ZNF804B: variants seen among roughly 807,000 people sequenced by gnomAD.
The protein encoded by ZNF804B is zinc finger protein 804B, also known as zinc finger 804B.
Under a neutral mutation model 101.4 loss-of-function variants are expected in ZNF804B, and 80 were observed. The observed-to-expected ratio is 0.79, with a 90% CI of 0.66 to 0.95. ZNF804B has a LOEUF of 0.95. ZNF804B is among the 40% of genes least tolerant of loss of function. The pLI, the probability that ZNF804B is intolerant of heterozygous loss-of-function variation, is 0.00. For synonymous variants in ZNF804B, 622 were observed against 558.8 expected (o/e 1.11, Z -1.59); for missense variants, 1,673 against 1,561.9 (o/e 1.07, Z -1.20).
At chr7:89,217,223 A>G (rs551377019) in intron 1 of ZNF804B, among the ~76,000 whole-genome samples, 33 of 152,356 alleles carry the variant, frequency 2.2e-4, no homozygotes, top group Non-Finnish European at 4.7e-4. Flanking sequence ...AAAATATGAT[A>G]CAGGCAAGGT....
chr7:89,195,892 A>AC (rs1788541294), intron 1 of ZNF804B, among the ~76,000 whole-genome samples: 1 of 64,164 alleles, frequency 1.6e-5, no homozygotes, highest in South Asian at 4.2e-4. Flanking sequence ...CCACTGCTCA[A>AC]AAAATCAGAG....
chr7:89,274,363 A>G lies in ZNF804B; in HGVS notation c.250-52981A>G, dbSNP rs1306449894. On this transcript the variant is annotated intron_variant, in intron 2 of 3. Coordinates refer to ENST00000333190, the MANE Select transcript of ZNF804B (RefSeq NM_181646.5). ...GTGTGATATTCCCCTTCCTGTGTCC[A>G]TGCGATCTCATTGTTCAATTCCCAC... Among the ~76,000 whole-genome samples the G allele has an allele frequency of 7.6e-3, 778 of 102,694 alleles. 11 individuals are homozygous for G. The highest frequency in any genetic ancestry group is 0.03 in the African/African-American group (740 of 24,448). The allele number at this position is 102,694 out of a possible 152,430, so 67.4% of individuals were successfully genotyped here.
rs563095278 is a variant in ZNF804B, at chr7:89,280,670, TC to T, written c.250-46672del. ...GAAAATCTAGAAGAAATGGATAAAT[TC>T]CTCGACACATACACTCTCCCAAGAC... On this transcript the variant is annotated intron_variant, in intron 2 of 3. Coordinates refer to ENST00000333190, the MANE Select transcript of ZNF804B (RefSeq NM_181646.5). 5.5e-3 allele frequency among the ~76,000 whole-genome samples: 834 copies of T among 152,246 alleles called. 8 individuals are homozygous for T. The highest frequency in any genetic ancestry group is 0.02 in the African/African-American group (811 of 41,542).
intron 1 of ZNF804B, among the ~76,000 whole-genome samples, chr7:88,906,375 T>C (rs1562828455): frequency 6.6e-6 from 1 of 152,178 alleles, no homozygotes; most frequent in Non-Finnish European, 1.5e-5. Context: ...AACTTCTTGA[T>C]GAAGGCAGTT....
chr7:89,326,532 T>G (rs1404935508), intron 2 of ZNF804B, among the ~76,000 whole-genome samples: 1 of 152,082 alleles, frequency 6.6e-6, no homozygotes, highest in African/African-American at 2.4e-5. Context: ...TCACTTTGTA[T>G]GAGTTAAGAG....
chr7:89,223,284 A>G (rs1789033435), intron 2 of ZNF804B, among the ~76,000 whole-genome samples: 1 of 151,892 alleles, frequency 6.6e-6, no homozygotes, highest in East Asian at 1.9e-4. Flanking sequence ...AATCCATTCT[A>G]TTACTCATCA....
At chr7:89,192,109 A>T (rs115724959) in intron 1 of ZNF804B, among the ~76,000 whole-genome samples, 2,383 of 152,204 alleles carry the variant, frequency 0.016, 67 homozygotes, top group African/African-American at 0.054. Context: ...ATTAACTGTT[A>T]ACAGTTTGTT....
At chr7:88,794,447 A>G (rs1234213668) in intron 1 of ZNF804B, 1 of 1,613,918 alleles carries the variant, frequency 6.2e-7, no homozygotes, top group Non-Finnish European at 8.5e-7. Context: ...TCCTTTAGGG[A>G]CTGTGACTGT....
intron 1 of ZNF804B, among the ~76,000 whole-genome samples, chr7:89,025,924 G>T (rs1788743956): frequency 6.6e-6 from 1 of 152,002 alleles, no homozygotes; most frequent in Non-Finnish European, 1.5e-5. Flanking sequence ...CACTGCCAAA[G>T]TTTCCTATAA....
chr7:89,147,222 C>T (rs1391175132), intron 1 of ZNF804B, among the ~76,000 whole-genome samples: 3 of 151,814 alleles, frequency 2.0e-5, no homozygotes, highest in Non-Finnish European at 2.9e-5. Context: ...TTAAAAACAT[C>T]TGTCATATTA....
chr7:89,064,453 T>C (rs1042471746), intron 1 of ZNF804B, among the ~76,000 whole-genome samples: 1 of 152,190 alleles, frequency 6.6e-6, no homozygotes, highest in Non-Finnish European at 1.5e-5. Context: ...TTGGCTTATA[T>C]AATAATTAGC....
intron 2 of ZNF804B, among the ~76,000 whole-genome samples, chr7:89,326,937 G>A (rs1159537589): frequency 6.8e-6 from 1 of 147,518 alleles, no homozygotes; most frequent in Non-Finnish European, 1.5e-5. Context: ...TCCACCCAGT[G>A]TATTTAATAG....
intron 2 of ZNF804B, among the ~76,000 whole-genome samples, chr7:89,218,942 G>A (rs927555667): frequency 6.6e-6 from 1 of 151,944 alleles, no homozygotes; most frequent in African/African-American, 2.4e-5. Context: ...GGGTGGCAGA[G>A]GTCAAAGAAA....
intron 1 of ZNF804B, among the ~76,000 whole-genome samples, chr7:88,812,299 A>T (rs918526860): frequency 6.6e-6 from 1 of 152,206 alleles, no homozygotes; most frequent in African/African-American, 2.4e-5. Context: ...TCCATTACCC[A>T]TGTGAAAAAT....
At chr7:89,330,003 A>G (rs1790955233) in intron 3 of ZNF804B, among the ~76,000 whole-genome samples, 1 of 151,720 alleles carries the variant, frequency 6.6e-6, no homozygotes, top group Non-Finnish European at 1.5e-5. Flanking sequence ...TAAGCTGCAG[A>G]GTATTAGAAT....
At chr7:89,297,134 G>T (rs1387733409) in intron 2 of ZNF804B, among the ~76,000 whole-genome samples, 2 of 151,932 alleles carry the variant, frequency 1.3e-5, no homozygotes, top group Non-Finnish European at 2.9e-5. Flanking sequence ...TGCCTGACCA[G>T]GTCACAATTT....
intron 1 of ZNF804B, among the ~76,000 whole-genome samples, chr7:89,088,810 T>A (rs574256357): frequency 6.6e-6 from 1 of 151,826 alleles, no homozygotes; most frequent in South Asian, 2.1e-4. Context: ...CAATGTGAAA[T>A]GGGAGGCAGT....
Position 89,181,473 on chromosome 7 carries a change from A to G in ZNF804B, c.109-36682A>G, listed in dbSNP as rs532151251. Among the ~76,000 whole-genome samples the G allele has an allele frequency of 2.0e-5, 3 of 152,296 alleles. No homozygotes were observed. The South Asian group carries it at 6.2e-4, about 32-fold the overall frequency. On this transcript the variant is annotated intron_variant, in intron 1 of 3. Coordinates refer to ENST00000333190, the MANE Select transcript of ZNF804B (RefSeq NM_181646.5). Reference sequence around the variant, plus strand: ...TGTGTTGCTTGCGCTATAATAGAGCAGCACTGAGTTCCAATGCAATGTCCC... The same window carrying G: ...TGTGTTGCTTGCGCTATAATAGAGCGGCACTGAGTTCCAATGCAATGTCCC...
intron 1 of ZNF804B, among the ~76,000 whole-genome samples, chr7:89,210,021 C>T (rs1299407652): frequency 2.0e-5 from 3 of 151,806 alleles, no homozygotes; most frequent in Admixed American, 6.6e-5. Flanking sequence ...TGGTGGCATG[C>T]ACCTGTAGTC....
Sources: allele counts gnomAD v4.1 joint callset (sites outside exome capture counted in the v4.1 genomes callset), GRCh38; gene constraint gnomAD v4.1.1; transcripts MANE v1.5; gene names NCBI Gene and HGNC (gene_info 2026-07-23, HGNC 2026-07-21).